The following PCDH9 variants were observed in gnomAD, a reference collection of about 807,000 sequenced individuals.
PCDH9 encodes protocadherin 9, also known as protocadherin-9.
PCDH9 carries 24 observed loss-of-function variants against 70.6 expected under a neutral mutation model. The observed-to-expected ratio is 0.34, with a 90% CI of 0.25 to 0.48. The LOEUF is 0.48. Ranked by LOEUF, PCDH9 falls within the 20% of genes least tolerant of loss-of-function variation. The pLI is 0.99. For synonymous variants in PCDH9, 562 were observed against 558.5 expected (o/e 1.01, Z -0.09); for missense variants, 1,281 against 1,503.6 (o/e 0.85, Z 2.45).
rs760111209 is a variant in PCDH9 at position 67,228,150 on chromosome 13, G to C, written c.291C>G (p.Leu97=). The change falls in exon 2 of 5, where the codon CTC becomes CTG. Residue 97 remains leucine, a synonymous_variant. Transcript: ENST00000377865. ...TTSNRIDREK[L]CAGASYAEEN... is the part of the protein sequence containing the mutation. ...CCTCAGCATATGAGGCGCCAGCACAGAGTTTTTCTCTGTCTATTCTGTTGG... is the reference window on the plus strand; with the variant it reads ...CCTCAGCATATGAGGCGCCAGCACACAGTTTTTCTCTGTCTATTCTGTTGG... The C allele has an allele frequency of 6.2e-7, 1 of 1,614,106 alleles. No homozygotes were observed. The highest frequency in any genetic ancestry group is 1.1e-5 in the South Asian group (1 of 91,050).
intron 4 of PCDH9, among the ~76,000 whole-genome samples, chr13:66,584,116 A>G (rs569136026): frequency 6.6e-6 from 1 of 152,282 alleles, no homozygotes; most frequent in African/African-American, 2.4e-5. Flanking sequence ...ATTTGAGTCA[A>G]TGGCTTTGCA....
At chr13:66,355,343 C>A (rs1956364286) in intron 4 of PCDH9, among the ~76,000 whole-genome samples, 1 of 152,058 alleles carries the variant, frequency 6.6e-6, no homozygotes, top group South Asian at 2.1e-4. Context: ...AACCTAATAT[C>A]CATGTTTCCA....
chr13:66,407,533 C>G (rs1196066674), intron 4 of PCDH9, among the ~76,000 whole-genome samples: 1 of 152,106 alleles, frequency 6.6e-6, no homozygotes. Flanking sequence ...GTTGCTGTAG[C>G]TGTAATTTCC....
chr13:66,777,103 T>A (rs2079908860), intron 3 of PCDH9, among the ~76,000 whole-genome samples: 1 of 150,550 alleles, frequency 6.6e-6, no homozygotes, highest in African/African-American at 2.4e-5. Flanking sequence ...CTGGATCCCT[T>A]CCTTACACCT....
chr13:66,913,901 T>A lies in PCDH9; in HGVS notation c.3037-10296A>T, dbSNP rs181858504. ...TAACTCTCATTTCCACATGTTTTTT[T>A]AATTCACAAAGAGAAAAACACCATA... On this transcript the variant is annotated intron_variant, in intron 2 of 4. Transcript: ENST00000377865. Among the ~76,000 whole-genome samples, 373 of 152,156 alleles carry A rather than the reference T, an allele frequency of 2.5e-3. 4 individuals are homozygous for A. The highest frequency in any genetic ancestry group is 7.8e-3 in the African/African-American group (323 of 41,556).
chr13:66,774,694 T>A (rs1050740211), intron 3 of PCDH9, among the ~76,000 whole-genome samples: 1 of 152,176 alleles, frequency 6.6e-6, no homozygotes, highest in Non-Finnish European at 1.5e-5. Context: ...ATACCCCAAA[T>A]GACGTATTGT....
chr13:66,993,654 C>A (rs2084048737), intron 2 of PCDH9, among the ~76,000 whole-genome samples: 2 of 152,114 alleles, frequency 1.3e-5, no homozygotes, highest in African/African-American at 4.8e-5. Context: ...CAAAAGCTAA[C>A]AAGGGTGGGA....
At chr13:66,938,736 A>G (rs2082957912) in intron 2 of PCDH9, among the ~76,000 whole-genome samples, 1 of 152,168 alleles carries the variant, frequency 6.6e-6, no homozygotes, top group Non-Finnish European at 1.5e-5. Context: ...AGACTGAGGG[A>G]AGGCCAGAGA....
intron 4 of PCDH9, among the ~76,000 whole-genome samples, chr13:66,336,264 T>G (rs1206316071): frequency 2.0e-5 from 3 of 152,046 alleles, no homozygotes; most frequent in African/African-American, 7.2e-5. Flanking sequence ...GCAGGATTTT[T>G]TTTTTTTTAA....
At chr13:66,732,479 C>T (rs1158698549) in intron 3 of PCDH9, among the ~76,000 whole-genome samples, 1 of 151,928 alleles carries the variant, frequency 6.6e-6, no homozygotes, top group Non-Finnish European at 1.5e-5. Flanking sequence ...ATTATTAATT[C>T]AATAATTAGC....
At chr13:66,852,241 GTGA>G (rs2081326053) in intron 3 of PCDH9, among the ~76,000 whole-genome samples, 1 of 152,014 alleles carries the variant, frequency 6.6e-6, no homozygotes, top group Non-Finnish European at 1.5e-5. Context: ...GATGATGACA[GTGA>G]TGATAATGAT....
chr13:66,452,374 G>T (rs930687319), intron 4 of PCDH9, among the ~76,000 whole-genome samples: 14 of 152,262 alleles, frequency 9.2e-5, no homozygotes, highest in Admixed American at 5.2e-4. Flanking sequence ...ATTTTGCCAA[G>T]TTTTAAACTC....
At chr13:66,395,110 A>G (rs1288870378) in intron 4 of PCDH9, among the ~76,000 whole-genome samples, 2 of 152,226 alleles carry the variant, frequency 1.3e-5, no homozygotes, top group Non-Finnish European at 2.9e-5. Context: ...TAGTCCTCAT[A>G]CATGAGAACA....
chr13:66,723,539 AG>A (rs1312847911), intron 3 of PCDH9, among the ~76,000 whole-genome samples: 44 of 152,370 alleles, frequency 2.9e-4, no homozygotes, highest in Non-Finnish European at 6.0e-4. Flanking sequence ...AATAAAGACA[AG>A]TAGCTAAGCA....
intron 4 of PCDH9, among the ~76,000 whole-genome samples, chr13:66,540,378 T>C (rs2138655302): frequency 6.6e-6 from 1 of 152,262 alleles, no homozygotes; most frequent in Admixed American, 6.6e-5. Flanking sequence ...GGAAATTAAA[T>C]TTTATCATAA....
intron 2 of PCDH9, chr13:67,214,936 A>G (rs1249845001): frequency 8.8e-5 from 1 of 11,312 alleles, no homozygotes; most frequent in Non-Finnish European, 1.7e-4. Context: ...TGCGAGCCAG[A>G]TATATATATA....
At chr13:67,143,961 A>G (rs2087459379) in intron 2 of PCDH9, among the ~76,000 whole-genome samples, 1 of 152,214 alleles carries the variant, frequency 6.6e-6, no homozygotes, top group Admixed American at 6.5e-5. Context: ...GAGAATAAAC[A>G]TTGCCAGGAA....
chr13:67,011,971 T>G (rs1382928247), intron 2 of PCDH9, among the ~76,000 whole-genome samples: 2 of 151,910 alleles, frequency 1.3e-5, no homozygotes, highest in African/African-American at 2.4e-5. Flanking sequence ...ACATTTCATT[T>G]CAATTATCAG....
In PCDH9 at chr13:66,365,090, C is replaced by T. The variant is rs995297339; in HGVS notation, c.3341-60062G>A. On this transcript the variant is annotated intron_variant, in intron 4 of 4. Transcript: ENST00000377865. ...CATAAAAGAAAGTCACACAAATGAA[C>T]TTAATTTATTTCCTTTGATATGCAC... is the stretch of plus-strand genomic sequence containing the variant. Among the ~76,000 whole-genome samples, 79 of 152,094 alleles carry T rather than the reference C, an allele frequency of 5.2e-4. 2 individuals carry two copies. The highest frequency in any genetic ancestry group is 2.0e-4 in the Admixed American group (3 of 15,262).
Sources: gnomAD v4.1 joint callset for allele counts (sites outside exome capture counted in the v4.1 genomes callset) on GRCh38, gnomAD v4.1.1 for gene constraint, MANE v1.5 for transcripts, NCBI Gene and HGNC (gene_info 2026-07-23, HGNC 2026-07-21) for gene names.